MAD1L1: variants seen among roughly 807,000 people sequenced by gnomAD.
The protein encoded by MAD1L1 is mitotic spindle assembly checkpoint protein MAD1.
MAD1L1 carries 95 observed loss-of-function variants against 96.9 expected under a neutral mutation model. That is an observed-to-expected ratio of 0.98 (90% confidence interval 0.83 to 1.16). MAD1L1 has a LOEUF of 1.16. Among genes scored for constraint, MAD1L1 ranks in the 50% most tolerant of loss-of-function variants. The pLI, the probability that MAD1L1 is intolerant of heterozygous loss-of-function variation, is 0.00. For synonymous variants in MAD1L1, 473 were observed against 396.6 expected, an observed-to-expected ratio of 1.19 and a Z score of -2.29; for missense variants, 1,007 against 954.4, an observed-to-expected ratio of 1.06 and a Z score of -0.73.
At chr7:1,907,110 C>T (rs892273374) in intron 17 of MAD1L1, among the ~76,000 whole-genome samples, 7 of 152,128 alleles carry the variant, frequency 4.6e-5, no homozygotes, top group Non-Finnish European at 8.8e-5. Flanking sequence ...CTGCGAGGGG[C>T]GGTGAGGGCA....
At chr7:1,970,640 A>G (rs1780363524) in intron 15 of MAD1L1, among the ~76,000 whole-genome samples, 1 of 152,170 alleles carries the variant, frequency 6.6e-6, no homozygotes, top group South Asian at 2.1e-4. Context: ...AGCCTATTAT[A>G]TAATTTTAAA....
intron 10 of MAD1L1, among the ~76,000 whole-genome samples, chr7:2,192,322 G>T (rs1282962422): frequency 2.0e-5 from 3 of 152,028 alleles, no homozygotes; most frequent in Non-Finnish European, 4.4e-5. Flanking sequence ...AGTAGAGACA[G>T]GGTTTCACCA....
intron 11 of MAD1L1, among the ~76,000 whole-genome samples, chr7:2,075,504 G>A (rs1785334491): frequency 1.3e-5 from 2 of 152,130 alleles, no homozygotes; most frequent in Non-Finnish European, 2.9e-5. Context: ...TGCTTGGACT[G>A]AACTCTGAGG....
chr7:2,123,348 G>A (rs1376856105), intron 11 of MAD1L1, among the ~76,000 whole-genome samples: 1 of 151,906 alleles, frequency 6.6e-6, no homozygotes, highest in East Asian at 1.9e-4. Context: ...CCAGCTCAGG[G>A]ACTGAGATGA....
intron 18 of MAD1L1, among the ~76,000 whole-genome samples, chr7:1,885,793 C>T (rs896181805): frequency 6.6e-6 from 1 of 152,214 alleles, no homozygotes; most frequent in Non-Finnish European, 1.5e-5. Context: ...TCGGCCCTTC[C>T]AGTCCTGTCT....
At chr7:2,007,085 C>A (rs905496478) in intron 13 of MAD1L1, among the ~76,000 whole-genome samples, 5 of 152,198 alleles carry the variant, frequency 3.3e-5, no homozygotes, top group African/African-American at 1.2e-4. Flanking sequence ...CCAGGAGGCA[C>A]AGATGGGCAG....
At position 1,869,981 on chromosome 7, in the gene MAD1L1, G is replaced by A. The variant is rs115465299; in HGVS notation, c.1998+28219C>T. Among the ~76,000 whole-genome samples, 1,011 of 152,238 alleles carry A rather than the reference G, an allele frequency of 6.6e-3. 10 individuals carry two copies. The highest frequency in any genetic ancestry group is 0.023 in the African/African-American group (953 of 41,528). Reference sequence around the variant, plus strand: ...TCATAAGCCAAGGGGTGCCTCGCCCGTGCCTCCCCTGCCCCTGCCGTGCCA... The same window carrying A: ...TCATAAGCCAAGGGGTGCCTCGCCCATGCCTCCCCTGCCCCTGCCGTGCCA... On this transcript the variant is annotated intron_variant, in intron 18 of 18. Transcript: ENST00000265854.
chr7:2,145,437 C>T (rs1162090961), intron 11 of MAD1L1, among the ~76,000 whole-genome samples: 1 of 152,246 alleles, frequency 6.6e-6, no homozygotes, highest in South Asian at 2.1e-4. Flanking sequence ...GCCTCCAGTC[C>T]TAAGAGCGCA....
intron 18 of MAD1L1, chr7:1,847,458 T>C (rs1269027669): frequency 2.1e-6 from 1 of 471,038 alleles, no homozygotes; most frequent in Non-Finnish European, 4.4e-6. Flanking sequence ...TTAGCTGTCC[T>C]CTGTCCCACA....
chr7:2,196,030 ACCATGTGG>A (rs1183588225), intron 10 of MAD1L1, among the ~76,000 whole-genome samples: 1 of 152,214 alleles, frequency 6.6e-6, no homozygotes, highest in Non-Finnish European at 1.5e-5. Flanking sequence ...GCTGCATGGC[ACCATGTGG>A]CCAGCCAGAT....
chr7:2,098,271 C>A (rs780349796), intron 11 of MAD1L1, among the ~76,000 whole-genome samples: 10 of 152,244 alleles, frequency 6.6e-5, no homozygotes, highest in Non-Finnish European at 1.3e-4. Flanking sequence ...CAGTCACACA[C>A]CAGGCCTCTG....
At chr7:2,209,090 T>G (rs1792751956) in intron 10 of MAD1L1, among the ~76,000 whole-genome samples, 1 of 152,150 alleles carries the variant, frequency 6.6e-6, no homozygotes, top group African/African-American at 2.4e-5. Context: ...TCGTAGAAAC[T>G]AACATGCCCC....
chr7:2,013,074 T>G lies in MAD1L1; in HGVS notation c.1359+1428A>C, dbSNP rs77002979. Among the ~76,000 whole-genome samples, 1,439 of 152,322 alleles carry G rather than the reference T, an allele frequency of 9.4e-3. 21 individuals carry two copies. Among genetic ancestry groups the G allele is most frequent in the African/African-American group, 0.033 (1,381 of 41,568 alleles). ...ATGAATTATGTTTGTTCATTAAATG[T>G]CTCCCCTACCCAGCAGCTCGGCTCC... On this transcript the variant is annotated intron_variant, in intron 13 of 18. Transcript: ENST00000265854.
At chr7:1,819,092 G>A (rs1159567917) in intron 18 of MAD1L1, among the ~76,000 whole-genome samples, 8 of 152,126 alleles carry the variant, frequency 5.3e-5, no homozygotes, top group African/African-American at 1.9e-4. Context: ...GAGTGGCGCC[G>A]GGCCCATCCA....
intron 10 of MAD1L1, among the ~76,000 whole-genome samples, chr7:2,188,279 C>T (rs556168837): frequency 2.0e-5 from 3 of 152,310 alleles, no homozygotes; most frequent in South Asian, 2.1e-4. Context: ...GCCATCTAGA[C>T]GTTCAATGCA....
At chr7:1,958,364 G>C (rs1185155966) in intron 15 of MAD1L1, among the ~76,000 whole-genome samples, 1 of 152,168 alleles carries the variant, frequency 6.6e-6, no homozygotes, top group Non-Finnish European at 1.5e-5. Flanking sequence ...TTCATTTCTA[G>C]ATCTAATATT....
In MAD1L1 at chr7:1,953,997, C is replaced by T. The variant is rs1262370854; in HGVS notation, c.1596+3632G>A. ...TGGACGTGCCCCTCTCTACCCAGGG[C>T]GGCCTGTGAGCCCCGACTAGCCTCA... On this transcript the variant is annotated intron_variant, in intron 16 of 18. Transcript: ENST00000265854. 9.9e-5 allele frequency among the ~76,000 whole-genome samples: 15 copies of T among 152,158 alleles called. 1 individual carries two copies. The highest frequency in any genetic ancestry group is 4.1e-4 in the South Asian group (2 of 4,822).
At chr7:1,925,164 C>T (rs528088306) in intron 17 of MAD1L1, among the ~76,000 whole-genome samples, 2 of 152,098 alleles carry the variant, frequency 1.3e-5, no homozygotes, top group Admixed American at 6.5e-5. Flanking sequence ...ACACACATAC[C>T]TATCAGGTGC....
At chr7:1,989,211 G>A (rs1438391601) in intron 14 of MAD1L1, among the ~76,000 whole-genome samples, 1 of 152,102 alleles carries the variant, frequency 6.6e-6, no homozygotes, top group Non-Finnish European at 1.5e-5. Flanking sequence ...CGCCAGGACG[G>A]CTCTAACGAA....
Sources: allele counts gnomAD v4.1 joint callset (sites outside exome capture counted in the v4.1 genomes callset), GRCh38; gene constraint gnomAD v4.1.1; transcripts MANE v1.5; gene names NCBI Gene and HGNC (gene_info 2026-07-23, HGNC 2026-07-21).